BORCS5: variants seen among roughly 807,000 people sequenced by gnomAD.
BORCS5 encodes the protein BLOC-1-related complex subunit 5.
A neutral mutation model predicts 22.1 loss-of-function variants in BORCS5; 17 were observed. The ratio of observed to expected loss-of-function variants is 0.77; its 90% CI spans 0.53 to 1.15. The LOEUF (loss-of-function observed/expected upper bound fraction) is 1.15. BORCS5 is among the 50% of genes most tolerant of loss of function. The pLI, the probability that BORCS5 is intolerant of heterozygous loss-of-function variation, is 0.00. For missense variants in BORCS5, 247 were observed against 253.2 expected (o/e 0.98, Z 0.17); for synonymous variants, 117 against 99.8 (o/e 1.17, Z -1.03).
At chr12:12,424,146 T>C (rs1307033164) in intron 2 of BORCS5, among the ~76,000 whole-genome samples, 1 of 152,222 alleles carries the variant, frequency 6.6e-6, no homozygotes, top group Non-Finnish European at 1.5e-5. Context: ...TTTCTCTTTC[T>C]GTTTTCCTTT....
At chr12:12,398,663 A>G (rs1307253257) in intron 2 of BORCS5, among the ~76,000 whole-genome samples, 4 of 152,190 alleles carry the variant, frequency 2.6e-5, no homozygotes, top group African/African-American at 9.6e-5. Flanking sequence ...AGTGCTATCA[A>G]ACTCAAAATA....
intron 3 of BORCS5, among the ~76,000 whole-genome samples, chr12:12,458,401 T>G (rs1943037384): frequency 6.6e-6 from 1 of 152,206 alleles, no homozygotes; most frequent in Non-Finnish European, 1.5e-5. Flanking sequence ...TTTCTTAATG[T>G]TGAATTATAA....
At chr12:12,385,850 A>G (rs1863868426) in intron 2 of BORCS5, among the ~76,000 whole-genome samples, 1 of 151,384 alleles carries the variant, frequency 6.6e-6, no homozygotes, top group Non-Finnish European at 1.5e-5. Context: ...TCAAATTTTT[A>G]TATGCCATTG....
At chr12:12,419,427 C>T (rs959375166) in intron 2 of BORCS5, among the ~76,000 whole-genome samples, 14 of 152,312 alleles carry the variant, frequency 9.2e-5, no homozygotes, top group African/African-American at 3.4e-4. Flanking sequence ...GCCACATTTT[C>T]TTAATCCAGT....
intron 2 of BORCS5, among the ~76,000 whole-genome samples, chr12:12,424,283 A>C (rs1163208818): frequency 2.0e-5 from 3 of 152,038 alleles, no homozygotes; most frequent in Non-Finnish European, 4.4e-5. Context: ...TGTACTCATT[A>C]TTCACTCATT....
At chr12:12,434,955 C>A (rs565129660) in intron 2 of BORCS5, among the ~76,000 whole-genome samples, 2 of 152,270 alleles carry the variant, frequency 1.3e-5, no homozygotes, top group Non-Finnish European at 1.5e-5. Flanking sequence ...CAATTGATTT[C>A]TTCTCCTGCA....
chr12:12,361,501 CTTAAT>C, intron 2 of BORCS5, 152 bp downstream of exon 2: 1 of 877,186 alleles, frequency 1.1e-6, no homozygotes, highest in Non-Finnish European at 1.8e-6. Flanking sequence ...TCTTGATTTC[CTTAAT>C]TAAAACTGCA....
chr12:12,398,664 A>G (rs1941403662), intron 2 of BORCS5, among the ~76,000 whole-genome samples: 1 of 152,228 alleles, frequency 6.6e-6, no homozygotes, highest in Middle Eastern at 3.4e-3. Flanking sequence ...GTGCTATCAA[A>G]CTCAAAATAT....
Position 12,357,767 on chromosome 12 carries a change from C to G in BORCS5, c.58+258C>G, listed in dbSNP as rs553294090. Among the ~76,000 whole-genome samples the G allele has an allele frequency of 3.3e-5, 5 of 152,354 alleles. No homozygotes were observed. The South Asian group carries it at 1.0e-3, about 32-fold the overall frequency. Reference sequence around the variant, plus strand: ...AACAGCCGTTTCTCCCAGCTACAGCCTCCTGTTTAAAAGACGAGCTAATTA... The same window carrying G: ...AACAGCCGTTTCTCCCAGCTACAGCGTCCTGTTTAAAAGACGAGCTAATTA... On this transcript the variant is annotated intron_variant, in intron 1 of 3. Coordinates refer to ENST00000314565, the MANE Select transcript of BORCS5 (RefSeq NM_058169.6).
At chr12:12,420,918 G>C (rs1276078268) in intron 2 of BORCS5, among the ~76,000 whole-genome samples, 3 of 152,222 alleles carry the variant, frequency 2.0e-5, no homozygotes, top group Non-Finnish European at 4.4e-5. Flanking sequence ...AGACTTTGCT[G>C]AAGTTGCTTA....
intron 2 of BORCS5, among the ~76,000 whole-genome samples, chr12:12,392,156 G>A (rs1304338600): frequency 6.6e-6 from 1 of 150,942 alleles, no homozygotes; most frequent in Non-Finnish European, 1.5e-5. Flanking sequence ...ATTATTTGTT[G>A]AGTCCCCAAT....
Position 12,470,541 on chromosome 12 carries a change from C to G in BORCS5, c.*4765C>G, listed in dbSNP as rs1943278920. 6.6e-6 allele frequency among the ~76,000 whole-genome samples: 1 copy of G among 152,152 alleles called. No individual in the cohort carries two copies. The highest frequency in any genetic ancestry group is 6.5e-5 in the Admixed American group (1 of 15,276). ...TTATGAGAATCTAATGCCTGATGAT[C>G]TGAGATGGAACGGTTTCATCCAGAA... On this transcript the variant is annotated 3_prime_UTR_variant, in exon 4 of 4. Coordinates refer to ENST00000314565, the MANE Select transcript of BORCS5 (RefSeq NM_058169.6).
chr12:12,377,352 G>T (rs905997076), intron 2 of BORCS5, among the ~76,000 whole-genome samples: 11 of 151,868 alleles, frequency 7.2e-5, no homozygotes, highest in African/African-American at 2.7e-4. Context: ...CTAATTTTGT[G>T]TATTTTTAGT....
intron 3 of BORCS5, among the ~76,000 whole-genome samples, chr12:12,443,233 G>A (rs1257264409): frequency 1.3e-5 from 2 of 152,170 alleles, no homozygotes; most frequent in East Asian, 3.8e-4. Context: ...ATTATAAAAT[G>A]AGTTGGGAGT....
rs866248440 is a variant in BORCS5, at chr12:12,414,378, G to A, written c.203-21250G>A. On this transcript the variant is annotated intron_variant, in intron 2 of 3. Transcript: ENST00000314565. Reference sequence around the variant, plus strand: ...TCCCGGACGGGGTGGCTGGTCAGGCGGGGGGCTGACCCCCCCACCTCCCTC... The same window carrying A: ...TCCCGGACGGGGTGGCTGGTCAGGCAGGGGGCTGACCCCCCCACCTCCCTC... 1.9e-4 allele frequency among the ~76,000 whole-genome samples: 21 copies of A among 110,778 alleles called. 1 individual carries two copies. In the South Asian group the frequency reaches 2.3e-3, roughly 12 times the overall value. The allele number at this position is 110,778 out of a possible 152,430, so 72.7% of individuals were successfully genotyped here.
At chr12:12,359,757 C>T (rs1243590247) in intron 1 of BORCS5, among the ~76,000 whole-genome samples, 1 of 151,326 alleles carries the variant, frequency 6.6e-6, no homozygotes, top group Admixed American at 6.6e-5. Flanking sequence ...TTTTCCTGGA[C>T]TTACTAAACA....
At chr12:12,400,117 G>A (rs1592087476) in intron 2 of BORCS5, among the ~76,000 whole-genome samples, 1 of 152,202 alleles carries the variant, frequency 6.6e-6, no homozygotes, top group East Asian at 1.9e-4. Flanking sequence ...GTTGAAGAAT[G>A]TTTTCCGTAA....
chr12:12,431,291 T>A (rs1942417811), intron 2 of BORCS5, among the ~76,000 whole-genome samples: 1 of 152,190 alleles, frequency 6.6e-6, no homozygotes, highest in Admixed American at 6.5e-5. Context: ...TTTCAATTTG[T>A]TTTTCTTATT....
rs1378269482 is a variant in BORCS5, at chr12:12,466,036, A to C, written c.*260A>C. 9 of 452,914 alleles carry C rather than the reference A, an allele frequency of 2.0e-5. No individual in the cohort carries two copies. The East Asian group carries it at 3.3e-4, about 17-fold the overall frequency. 28.1% of individuals were successfully genotyped at this position (452,914 alleles called of 1,614,324 possible). A position where few individuals can be genotyped will look rare whatever the true frequency, so the allele number is the denominator to read the frequency against. ...GTGTGAATTATTAGGAATTCTTTGA[A>C]GAACTCTGCATTGAGAATTATTTTT... On this transcript the variant is annotated 3_prime_UTR_variant, in exon 4 of 4. Coordinates refer to ENST00000314565, the MANE Select transcript of BORCS5 (RefSeq NM_058169.6).
Sources: allele counts gnomAD v4.1 joint callset (sites outside exome capture counted in the v4.1 genomes callset), GRCh38; gene constraint gnomAD v4.1.1; transcripts MANE v1.5; gene names NCBI Gene and HGNC (gene_info 2026-07-23, HGNC 2026-07-21).